The following MCC variants were observed in gnomAD, a reference collection of about 807,000 sequenced individuals.
MCC encodes colorectal mutant cancer protein.
A neutral mutation model predicts 116.2 loss-of-function variants in MCC; 90 were observed. That is an observed-to-expected ratio of 0.77 (90% CI 0.65 to 0.92). MCC has a LOEUF of 0.92. Among genes scored for constraint, MCC ranks in the 40% least tolerant of loss-of-function variants. MCC has a pLI of 0.00. For missense variants in MCC, 1,516 were observed against 1,312.2 expected (o/e 1.16, Z -2.40); for synonymous variants, 578 against 510.5 (o/e 1.13, Z -1.78).
At chr5:113,143,123 T>G in intron 5 of MCC, 95 bp downstream of exon 5, 1 of 1,342,836 alleles carries the variant, frequency 7.4e-7, no homozygotes, top group Non-Finnish European at 1.0e-6. Context: ...AAACTAGAAC[T>G]TCGGTCTTGG....
chr5:113,337,395 C>T (rs1165354666), intron 3 of MCC, among the ~76,000 whole-genome samples: 1 of 152,168 alleles, frequency 6.6e-6, no homozygotes, highest in African/African-American at 2.4e-5. Flanking sequence ...CAGCCCTGGC[C>T]TGCAACATCT....
At chr5:113,329,319 G>A (rs1027034598) in intron 3 of MCC, among the ~76,000 whole-genome samples, 2 of 152,016 alleles carry the variant, frequency 1.3e-5, no homozygotes, top group African/African-American at 4.8e-5. Flanking sequence ...TGGGTGAATT[G>A]GAAGAAGAGC....
intron 1 of MCC, chr5:113,435,281 T>C (rs1770815186): frequency 5.9e-6 from 1 of 169,936 alleles, no homozygotes; most frequent in Non-Finnish European, 1.3e-5. Context: ...CTGAGGAGGA[T>C]TTAATAAAGG....
At chr5:113,100,565 G>A (rs1373602611) in intron 8 of MCC, among the ~76,000 whole-genome samples, 8 of 129,524 alleles carry the variant, frequency 6.2e-5, no homozygotes, top group South Asian at 2.6e-4. Context: ...CCCGCCTCCC[G>A]GGTTCAAGCG....
intron 1 of MCC, among the ~76,000 whole-genome samples, chr5:113,471,807 A>T (rs1772099640): frequency 1.3e-5 from 2 of 149,368 alleles, no homozygotes; most frequent in Non-Finnish European, 3.0e-5. Context: ...GGCTCCACCC[A>T]GTTCGAGCTT....
At chr5:113,184,709 G>A (rs569513382) in intron 3 of MCC, among the ~76,000 whole-genome samples, 60 of 152,126 alleles carry the variant, frequency 3.9e-4, no homozygotes, top group Non-Finnish European at 6.6e-4. Context: ...AAGAAGAGAT[G>A]GACAGGTATA....
Position 113,080,089 on chromosome 5 carries a change from A to G in MCC, c.1784+2771T>C, listed in dbSNP as rs1201577922. On this transcript the variant is annotated intron_variant, in intron 11 of 18. Transcript: ENST00000408903. ...ACTGGCCATCAGAGAAATGCAAATC[A>G]AAACCACAATGAGATACCATCTCAC... 2.6e-5 allele frequency among the ~76,000 whole-genome samples: 4 copies of G among 152,246 alleles called. No homozygotes were observed. The East Asian group carries it at 5.8e-4, about 22-fold the overall frequency.
intron 3 of MCC, among the ~76,000 whole-genome samples, chr5:113,178,321 G>A (rs1310123715): frequency 6.6e-6 from 1 of 152,188 alleles, no homozygotes; most frequent in Non-Finnish European, 1.5e-5. Flanking sequence ...TCCTAGCAAG[G>A]TGGCTAGGGG....
At chr5:113,317,025 C>T (rs1352969146) in intron 3 of MCC, among the ~76,000 whole-genome samples, 1 of 152,156 alleles carries the variant, frequency 6.6e-6, no homozygotes, top group African/African-American at 2.4e-5. Context: ...TATTCAACCA[C>T]CCAAATTAGA....
chr5:113,285,630 T>G (rs72788641), intron 3 of MCC, among the ~76,000 whole-genome samples: 13,647 of 152,170 alleles, frequency 0.09, 907 homozygotes, highest in Non-Finnish European at 0.12. Flanking sequence ...TCCCCCATCT[T>G]CACATGACTG....
chr5:113,085,606 C>T (rs147938287), intron 8 of MCC, among the ~76,000 whole-genome samples: 106 of 152,182 alleles, frequency 7.0e-4, no homozygotes, highest in African/African-American at 2.5e-3. Flanking sequence ...ACGGAATCTG[C>T]CACAGACCAT....
intron 6 of MCC, among the ~76,000 whole-genome samples, chr5:113,121,260 T>C (rs4262097): frequency 0.51 from 77,755 of 152,066 alleles, 21,561 homozygotes; most frequent in East Asian, 0.72. Context: ...CAGTGATTGA[T>C]TCAAAATGCA....
intron 3 of MCC, among the ~76,000 whole-genome samples, chr5:113,282,352 G>C (rs796680445): frequency 1.2e-4 from 18 of 152,266 alleles, no homozygotes; most frequent in African/African-American, 4.3e-4. Context: ...GGGTTTGAAG[G>C]CAGCTTTATC....
chr5:113,213,422 G>A lies in MCC; in HGVS notation c.628-62000C>T, dbSNP rs79143149. 9.4e-3 allele frequency among the ~76,000 whole-genome samples: 1,438 copies of A among 152,284 alleles called. 24 individuals are homozygous for A. The highest frequency in any genetic ancestry group is 0.033 in the African/African-American group (1,370 of 41,548). ...AGATGCCATGTGAAATGCAAGGCAT[G>A]GTGGTCTCACAGTGTTCATGGCTTT... On this transcript the variant is annotated intron_variant, in intron 3 of 18. Transcript: ENST00000408903.
chr5:113,049,409 G>A, intron 15 of MCC, 110 bp from the exon 16 acceptor site: 1 of 835,742 alleles, frequency 1.2e-6, no homozygotes, highest in Non-Finnish European at 1.8e-6. Context: ...ACAGGCCCAT[G>A]GTAGAGTTCT....
intron 1 of MCC, among the ~76,000 whole-genome samples, chr5:113,474,493 T>G (rs1015982730): frequency 2.0e-5 from 3 of 151,420 alleles, no homozygotes; most frequent in Non-Finnish European, 4.4e-5. Flanking sequence ...GGAGGGGGAG[T>G]GGAGTCACCG....
At chr5:113,297,315 C>T (rs1287673705) in intron 3 of MCC, among the ~76,000 whole-genome samples, 1 of 151,994 alleles carries the variant, frequency 6.6e-6, no homozygotes, top group Non-Finnish European at 1.5e-5. Context: ...CCAGCCTAGC[C>T]AACATGGTAA....
intron 6 of MCC, among the ~76,000 whole-genome samples, chr5:113,113,470 A>C (rs187215860): frequency 2.6e-5 from 4 of 152,178 alleles, no homozygotes; most frequent in African/African-American, 9.7e-5. Context: ...AAGAGTATCC[A>C]CAGAGGTTAC....
Position 113,387,869 on chromosome 5 carries a change from G to T in MCC, c.171-2657C>A, listed in dbSNP as rs569390672. ...TTATTATGGTTGTTTTATAATTGTT[G>T]ATCATAGATCTTTCATAATACCCCA... On this transcript the variant is annotated intron_variant, in intron 1 of 18. Coordinates refer to ENST00000408903, the MANE Select transcript of MCC (RefSeq NM_001085377.2). Among the ~76,000 whole-genome samples the T allele has an allele frequency of 2.4e-3, 368 of 152,242 alleles. 1 individual carries two copies. The highest frequency in any genetic ancestry group is 8.4e-3 in the African/African-American group (350 of 41,536).
Sources: gnomAD v4.1 joint callset for allele counts (sites outside exome capture counted in the v4.1 genomes callset) on GRCh38, gnomAD v4.1.1 for gene constraint, MANE v1.5 for transcripts, NCBI Gene and HGNC (gene_info 2026-07-23, HGNC 2026-07-21) for gene names.